CDYL: variants seen among roughly 807,000 people sequenced by gnomAD.
CDYL encodes the protein chromodomain Y-like protein.
In CDYL, 8 loss-of-function variants were observed where a neutral mutation model predicts 47.3. The ratio of observed to expected loss-of-function variants is 0.17; its 90% CI spans 0.10 to 0.31. The LOEUF (loss-of-function observed/expected upper bound fraction) is 0.31. CDYL is among the 10% of genes least tolerant of loss of function. The pLI is 1.00. For missense variants in CDYL, 471 were observed against 701.4 expected (o/e 0.67, Z 3.71); for synonymous variants, 266 against 265.0 (o/e 1.00, Z -0.04).
chr6:4,938,220 GGTTTTTTTTGTT>G (rs1758257609), intron 4 of CDYL, among the ~76,000 whole-genome samples: 2 of 141,702 alleles, frequency 1.4e-5, no homozygotes, highest in Non-Finnish European at 3.1e-5. Context: ...TTTGTTTTTT[GGTTTTTTTTGTT>G]GTTTTTTTTT....
At chr6:4,906,021 T>C (rs1180946223) in intron 2 of CDYL, among the ~76,000 whole-genome samples, 1 of 152,172 alleles carries the variant, frequency 6.6e-6, no homozygotes, top group Non-Finnish European at 1.5e-5. Context: ...CCTAGTAAAA[T>C]TGTAAAATCA....
At chr6:4,789,415 T>C (rs1013713874) in intron 1 of CDYL, among the ~76,000 whole-genome samples, 10 of 152,130 alleles carry the variant, frequency 6.6e-5, no homozygotes, top group African/African-American at 1.7e-4. Flanking sequence ...TAGTGGTGTC[T>C]CTGGGCACGG....
At chr6:4,803,020 T>C (rs551350748) in intron 1 of CDYL, among the ~76,000 whole-genome samples, 38 of 152,294 alleles carry the variant, frequency 2.5e-4, no homozygotes, top group African/African-American at 8.9e-4. Flanking sequence ...CCTTTCCTGC[T>C]CCATTGCTGT....
chr6:4,741,096 AT>A (rs1757789486), intron 3 of CDYL, among the ~76,000 whole-genome samples: 1 of 152,244 alleles, frequency 6.6e-6, no homozygotes, highest in Non-Finnish European at 1.5e-5. Context: ...CTCTATAATC[AT>A]TTTAATTGGG....
intron 1 of CDYL, among the ~76,000 whole-genome samples, chr6:4,837,361 TAAAA>T (rs1165280822): frequency 6.6e-6 from 1 of 152,112 alleles, no homozygotes; most frequent in African/African-American, 2.4e-5. Context: ...GTAGTTTTAT[TAAAA>T]AAATTTTCAA....
intron 4 of CDYL, 31 bp downstream of exon 4, chr6:4,937,768 G>T (rs1180077291): frequency 6.4e-7 from 1 of 1,574,584 alleles, no homozygotes; most frequent in Admixed American, 1.8e-5. Flanking sequence ...TTAAACATTG[G>T]TTGGGTGTTT....
At position 4,761,437 on chromosome 6, in the gene CDYL, G is replaced by A. The variant is rs528846288; in HGVS notation, c.186+26593G>A. Among the ~76,000 whole-genome samples, 11 of 152,210 alleles carry A rather than the reference G, an allele frequency of 7.2e-5. No individual in the cohort carries two copies. The South Asian group carries it at 1.7e-3, about 23-fold the overall frequency. On this transcript the variant is annotated intron_variant, in intron 3 of 8. Transcript: ENST00000328908. Reference sequence around the variant, plus strand: ...CGGCTCGCTGCAAACTCCACCTCCCGGGTTCAATCTATTCTCCTGCCTCAG... The same window carrying A: ...CGGCTCGCTGCAAACTCCACCTCCCAGGTTCAATCTATTCTCCTGCCTCAG...
chr6:4,734,854 G>T (rs954394627), intron 3 of CDYL: 3 of 1,613,886 alleles, frequency 1.9e-6, no homozygotes, highest in Non-Finnish European at 8.5e-7. Flanking sequence ...GGTAGGTCTT[G>T]GTTTCTCCCA....
intron 2 of CDYL, among the ~76,000 whole-genome samples, chr6:4,926,994 A>G (rs148037454): frequency 8.5e-5 from 13 of 152,284 alleles, no homozygotes; most frequent in Non-Finnish European, 1.3e-4. Flanking sequence ...GCTGTGATGC[A>G]CTTATTGACC....
At chr6:4,837,927 A>G (rs547543269) in intron 1 of CDYL, among the ~76,000 whole-genome samples, 1 of 149,514 alleles carries the variant, frequency 6.7e-6, no homozygotes, top group Non-Finnish European at 1.5e-5. Flanking sequence ...GCGTGCACCA[A>G]CAAACCCAGC....
intron 1 of CDYL, among the ~76,000 whole-genome samples, chr6:4,862,875 C>T (rs947431258): frequency 3.3e-5 from 5 of 152,134 alleles, no homozygotes; most frequent in African/African-American, 7.2e-5. Flanking sequence ...AAAAAGAAAT[C>T]GTTCTGTCAA....
At chr6:4,744,414 G>T (rs913602638) in intron 3 of CDYL, among the ~76,000 whole-genome samples, 2 of 152,058 alleles carry the variant, frequency 1.3e-5, no homozygotes, top group African/African-American at 4.8e-5. Flanking sequence ...AGGATTGCTT[G>T]AGCCCAGGAG....
intron 1 of CDYL, among the ~76,000 whole-genome samples, chr6:4,891,483 T>C (rs899385997): frequency 8.5e-5 from 13 of 152,236 alleles, no homozygotes; most frequent in African/African-American, 3.1e-4. Context: ...ATAAGTCACC[T>C]AATGCATATC....
intron 2 of CDYL, among the ~76,000 whole-genome samples, chr6:4,894,105 G>T (rs1762128681): frequency 6.6e-6 from 1 of 152,220 alleles, no homozygotes; most frequent in African/African-American, 2.4e-5. Context: ...GTATGTGAGG[G>T]ATCAGAGAAG....
intron 1 of CDYL, among the ~76,000 whole-genome samples, chr6:4,781,110 GA>G (rs1561847352): frequency 1.3e-5 from 2 of 152,166 alleles, no homozygotes; most frequent in Non-Finnish European, 2.9e-5. Context: ...TTCAAAAATG[GA>G]AGTAAGCTTT....
At chr6:4,797,050 T>C (rs1345992649) in intron 1 of CDYL, among the ~76,000 whole-genome samples, 1 of 152,220 alleles carries the variant, frequency 6.6e-6, no homozygotes, top group Non-Finnish European at 1.5e-5. Context: ...TTCAATAATT[T>C]CTCCTGGAAT....
rs1758429914 is a variant in CDYL at position 4,943,763 on chromosome 6, AC to A, written c.1332+9del. 1.9e-5 allele frequency: 26 copies of A among 1,349,994 alleles called. No individual in the cohort carries two copies. Among genetic ancestry groups the A allele is most frequent in the Admixed American group, 5.6e-5 (2 of 35,424 alleles). 83.6% of individuals were successfully genotyped at this position (1,349,994 alleles called of 1,614,324 possible). ...GATAATGGGAGGAGCATCTGTGAGTACCTTTTTAAAAAAAAAAAAAAAAAGT... is the reference window on the plus strand; with the variant it reads ...GATAATGGGAGGAGCATCTGTGAGTACTTTTTAAAAAAAAAAAAAAAAAGT... On this transcript the variant is annotated splice_region_variant and intron_variant, in intron 5 of 6. Transcript: ENST00000397588.
intron 3 of CDYL, among the ~76,000 whole-genome samples, chr6:4,752,912 A>G (rs1581140): frequency 0.77 from 115,725 of 149,486 alleles, 49,261 homozygotes; most frequent in South Asian, 0.94. Context: ...AGGTAGGTAG[A>G]TAGATAGATA....
At position 4,821,535 on chromosome 6, in the gene CDYL, G is replaced by A. The variant is rs1413105643; in HGVS notation, c.24+44728G>A. On this transcript the variant is annotated intron_variant, in intron 1 of 6. Transcript: ENST00000397588. The stretch of plus-strand genomic sequence containing the variant: ...GATCACTTGAGCTCAGGAGTTTGAG[G>A]CCATCCTGGCCAACATGGTGAAACC... Among the ~76,000 whole-genome samples the A allele has an allele frequency of 2.0e-5, 3 of 151,916 alleles. No homozygotes were observed. In the East Asian group the frequency reaches 5.8e-4, roughly 29 times the overall value.
Sources: allele counts gnomAD v4.1 joint callset (sites outside exome capture counted in the v4.1 genomes callset), GRCh38; gene constraint gnomAD v4.1.1; transcripts MANE v1.5; gene names NCBI Gene and HGNC (gene_info 2026-07-23, HGNC 2026-07-21).